The following UBE2E2 variants were observed in gnomAD, a reference collection of about 807,000 sequenced individuals.
UBE2E2 encodes the protein ubiquitin conjugating enzyme E2 E2.
In UBE2E2, 6 loss-of-function variants were observed where a neutral mutation model predicts 24.7. The ratio of observed to expected loss-of-function variants is 0.24; its 90% confidence interval spans 0.13 to 0.48. The LOEUF (loss-of-function observed/expected upper bound fraction) is 0.48, where lower values mean the gene tolerates loss of function less well. Among genes scored for constraint, UBE2E2 ranks in the 20% least tolerant of loss-of-function variants. The probability of loss-of-function intolerance (pLI) is 0.99; values close to 1 mark genes in which losing one functional copy is unlikely to be tolerated. For synonymous variants in UBE2E2, 104 were observed against 83.6 expected, an observed-to-expected ratio of 1.24 and a Z score of -1.33; for missense variants, 169 against 245.0, an observed-to-expected ratio of 0.69 and a Z score of 2.07.
At chr3:23,471,364 A>T (rs1352861181) in intron 3 of UBE2E2, among the ~76,000 whole-genome samples, 1 of 152,234 alleles carries the variant, frequency 6.6e-6, no homozygotes, top group Non-Finnish European at 1.5e-5. Flanking sequence ...AAGTATCCTT[A>T]TAAACCCCCA....
intron 3 of UBE2E2, among the ~76,000 whole-genome samples, chr3:23,438,623 TTCTTTCTTGAGTA>T (rs1184485472): frequency 6.6e-6 from 1 of 152,236 alleles, no homozygotes; most frequent in East Asian, 1.9e-4. Context: ...TAGTCATGTG[TTCTTTCTTGAGTA>T]ATAATTAAAG....
chr3:23,562,331 T>C (rs1452456495), intron 5 of UBE2E2, among the ~76,000 whole-genome samples: 2 of 152,150 alleles, frequency 1.3e-5, no homozygotes, highest in Admixed American at 1.3e-4. Context: ...GATAATCATG[T>C]GGTTTTTGTC....
At chr3:23,300,541 G>A (rs999371332) in intron 3 of UBE2E2, among the ~76,000 whole-genome samples, 11 of 152,252 alleles carry the variant, frequency 7.2e-5, no homozygotes, top group Non-Finnish European at 7.4e-5. Flanking sequence ...CTTCACTTAT[G>A]AAGCTTAGTT....
chr3:23,479,057 G>A (rs1300460417), intron 3 of UBE2E2, among the ~76,000 whole-genome samples: 1 of 152,118 alleles, frequency 6.6e-6, no homozygotes, highest in Admixed American at 6.5e-5. Context: ...TCCTTCAGGT[G>A]TTGCTTTTCT....
chr3:23,426,769 A>G (rs1697937259), intron 3 of UBE2E2, among the ~76,000 whole-genome samples: 1 of 152,216 alleles, frequency 6.6e-6, no homozygotes, highest in South Asian at 2.1e-4. Context: ...AAAATGACAT[A>G]GGTCAAAAAC....
chr3:23,287,654 T>G (rs1419785784), intron 3 of UBE2E2, among the ~76,000 whole-genome samples: 1 of 152,144 alleles, frequency 6.6e-6, no homozygotes, highest in Non-Finnish European at 1.5e-5. Flanking sequence ...TTTGGTAGGT[T>G]GTATGTGTCT....
At chr3:23,503,394 T>C (rs1185621067) in intron 4 of UBE2E2, among the ~76,000 whole-genome samples, 1 of 151,810 alleles carries the variant, frequency 6.6e-6, no homozygotes, top group Non-Finnish European at 1.5e-5. Context: ...TTTCGCCATG[T>C]TGGCCAGGCT....
At chr3:23,309,117 CCTGCCCA>C (rs2125274505) in intron 3 of UBE2E2, among the ~76,000 whole-genome samples, 1 of 152,242 alleles carries the variant, frequency 6.6e-6, no homozygotes, top group African/African-American at 2.4e-5. Flanking sequence ...TGTTCTAGAC[CCTGCCCA>C]CTTTGAGGGC....
intron 3 of UBE2E2, among the ~76,000 whole-genome samples, chr3:23,218,890 G>A (rs959226564): frequency 1.3e-5 from 2 of 152,152 alleles, no homozygotes; most frequent in Admixed American, 6.5e-5. Context: ...AGTGTCATCT[G>A]AAATTTGGAG....
chr3:23,367,905 G>A (rs1320267596), intron 3 of UBE2E2, among the ~76,000 whole-genome samples: 1 of 152,166 alleles, frequency 6.6e-6, no homozygotes, highest in Non-Finnish European at 1.5e-5. Flanking sequence ...CTTGCTTGTT[G>A]TGTGGGGAAA....
chr3:23,502,389 G>A (rs959220442), intron 4 of UBE2E2, among the ~76,000 whole-genome samples: 1 of 152,112 alleles, frequency 6.6e-6, no homozygotes, highest in East Asian at 1.9e-4. Flanking sequence ...ATGGTTATTT[G>A]TGTGGATATA....
intron 3 of UBE2E2, among the ~76,000 whole-genome samples, chr3:23,245,286 T>C (rs1688086669): frequency 2.0e-5 from 3 of 152,170 alleles, no homozygotes; most frequent in Admixed American, 6.5e-5. Flanking sequence ...AAAGAAAATA[T>C]TGAGTTCTCA....
At chr3:23,245,125 T>TA (rs1479976401) in intron 3 of UBE2E2, among the ~76,000 whole-genome samples, 2 of 152,010 alleles carry the variant, frequency 1.3e-5, no homozygotes, top group African/African-American at 2.4e-5. Context: ...ACTGTGGAGA[T>TA]ACAAAAAAGA....
At chr3:23,371,524 A>G (rs1334786222) in intron 3 of UBE2E2, among the ~76,000 whole-genome samples, 1 of 152,170 alleles carries the variant, frequency 6.6e-6, no homozygotes, top group Admixed American at 6.5e-5. Flanking sequence ...ACATCCTTGA[A>G]ATAAGAGTGG....
At chr3:23,533,647 T>TGA (rs1365915102) in intron 5 of UBE2E2, among the ~76,000 whole-genome samples, 1 of 91,612 alleles carries the variant, frequency 1.1e-5, no homozygotes, top group African/African-American at 5.2e-5. Context: ...TTTTTGAAAC[T>TGA]GAGTCTCACT....
chr3:23,443,249 A>C (rs1698345941), intron 3 of UBE2E2, among the ~76,000 whole-genome samples: 1 of 152,170 alleles, frequency 6.6e-6, no homozygotes, highest in South Asian at 2.1e-4. Flanking sequence ...GGCACCACAG[A>C]CTATTAGATC....
At chr3:23,299,010 G>C (rs994865131) in intron 3 of UBE2E2, among the ~76,000 whole-genome samples, 2 of 152,166 alleles carry the variant, frequency 1.3e-5, no homozygotes, top group Non-Finnish European at 2.9e-5. Context: ...TCCTGGTTTA[G>C]TCTTGGGAGG....
chr3:23,459,384 A>G lies in UBE2E2; in HGVS notation c.228-40224A>G, dbSNP rs572210937. 2.2e-4 allele frequency among the ~76,000 whole-genome samples: 34 copies of G among 152,362 alleles called. No individual in the cohort carries two copies. The South Asian group carries it at 6.2e-3, about 28-fold the overall frequency. Reference sequence around the variant, plus strand: ...TAAGAACAAAACTTGTTACTGATACATATAGTTGAATTACACCCAAAAATA... The same window carrying G: ...TAAGAACAAAACTTGTTACTGATACGTATAGTTGAATTACACCCAAAAATA... On this transcript the variant is annotated intron_variant, in intron 3 of 5. Coordinates refer to ENST00000396703, the MANE Select transcript of UBE2E2 (RefSeq NM_152653.4).
chr3:23,311,982 G>T (rs1694412803), intron 3 of UBE2E2, among the ~76,000 whole-genome samples: 1 of 152,154 alleles, frequency 6.6e-6, no homozygotes, highest in African/African-American at 2.4e-5. Flanking sequence ...ATTGGATCAT[G>T]GGGAGTGGTT....
Sources: gnomAD v4.1 joint callset for allele counts (sites outside exome capture counted in the v4.1 genomes callset) on GRCh38, gnomAD v4.1.1 for gene constraint, MANE v1.5 for transcripts, NCBI Gene and HGNC (gene_info 2026-07-23, HGNC 2026-07-21) for gene names.